The following SKP1 variants were observed in gnomAD, a reference collection of about 807,000 sequenced individuals.
The protein encoded by SKP1 is S-phase kinase-associated protein 1.
In SKP1, 1 loss-of-function variant was observed where a neutral mutation model predicts 21.5. The observed-to-expected ratio is 0.05, with a 90% CI of 0.02 to 0.22. The LOEUF is 0.22. Ranked by LOEUF, SKP1 falls within the 10% of genes least tolerant of loss-of-function variation. The pLI, the probability that SKP1 is intolerant of heterozygous loss-of-function variation, is 1.00. For synonymous variants in SKP1, 59 were observed against 59.3 expected, an observed-to-expected ratio of 0.99 and a Z score of 0.03; for missense variants, 70 against 192.0, an observed-to-expected ratio of 0.36 and a Z score of 3.76.
chr5:134,167,294 A>C, intron 2 of SKP1, 51 bp from the exon 3 acceptor site: 1 of 1,145,842 alleles, frequency 8.7e-7, no homozygotes, highest in Non-Finnish European at 1.3e-6. Flanking sequence ...TATAATACTT[A>C]TACCAACCAG....
In SKP1 at chr5:134,172,833, A is replaced by C. The variant is rs141330100; in HGVS notation, c.97+1093T>G. Among the ~76,000 whole-genome samples, 518 of 152,042 alleles carry C rather than the reference A, an allele frequency of 3.4e-3. 1 individual carries two copies. The highest frequency in any genetic ancestry group is 0.011 in the African/African-American group (475 of 41,458). On this transcript the variant is annotated intron_variant, in intron 2 of 5. Coordinates refer to ENST00000353411, the MANE Select transcript of SKP1 (RefSeq NM_170679.3). Reference sequence around the variant, plus strand: ...CGAGACCAGCCTGACAAACATGGTAAAACTCCATCTCTACTAAAAAATACA... The same window carrying C: ...CGAGACCAGCCTGACAAACATGGTACAACTCCATCTCTACTAAAAAATACA...
intron 2 of SKP1, chr5:134,170,852 C>T (rs1190782173): frequency 1.6e-5 from 6 of 375,718 alleles, no homozygotes; most frequent in Non-Finnish European, 3.1e-5. Context: ...GTGTGTCAGG[C>T]ACCAAGATAA....
chr5:134,168,180 G>A (rs115730948), intron 2 of SKP1, among the ~76,000 whole-genome samples: 2 of 152,284 alleles, frequency 1.3e-5, no homozygotes, highest in Middle Eastern at 3.4e-3. Flanking sequence ...AGTTGGGCTT[G>A]AATGACTGGG....
intron 5 of SKP1, 53 bp downstream of exon 5, chr5:134,158,402 G>A (rs368058390): frequency 2.5e-6 from 4 of 1,613,300 alleles, no homozygotes; most frequent in African/African-American, 1.3e-5. Flanking sequence ...TGTTATAGGT[G>A]TTACTCCCTT....
chr5:134,165,461 G>A (rs1449534783), intron 3 of SKP1, among the ~76,000 whole-genome samples: 1 of 151,626 alleles, frequency 6.6e-6, no homozygotes, highest in Non-Finnish European at 1.5e-5. Context: ...ATGGTAGCGG[G>A]TGTCTGTAAT....
Position 134,153,696 on chromosome 5 carries a change from T to C in SKP1, c.*4037A>G, listed in dbSNP as rs570936513. The C allele has an allele frequency of 9.8e-5, 15 of 152,338 alleles. No homozygotes were observed. The highest frequency in any genetic ancestry group is 2.1e-4 in the South Asian group (1 of 4,826). 9.4% of individuals were successfully genotyped at this position (152,338 alleles called of 1,614,324 possible). A position where few individuals can be genotyped will look rare whatever the true frequency, so the allele number is the denominator to read the frequency against. On this transcript the variant is annotated 3_prime_UTR_variant, in exon 6 of 6. Transcript: ENST00000353411. The stretch of plus-strand genomic sequence containing the variant: ...CACCTTATATTCCCAAACTGCCTTA[T>C]TGAGAGCCTAGGCAAATTAACTTAA...
Position 134,158,444 on chromosome 5 carries a change from G to T in SKP1, c.456+11C>A. The T allele has an allele frequency of 1.2e-6, 2 of 1,614,014 alleles. No individual in the cohort carries two copies. Among genetic ancestry groups the T allele is most frequent in the Non-Finnish European group, 1.7e-6 (2 of 1,179,962 alleles). On this transcript the variant is annotated intron_variant, in intron 5 of 5. Transcript: ENST00000353411. ...AGCATGTGATCAAAGACAAAACTGT[G>T]TGCTACCTACCTGGGCTTCCTCCTC... is the stretch of plus-strand genomic sequence containing the variant.
intron 3 of SKP1, among the ~76,000 whole-genome samples, chr5:134,163,169 C>T (rs143142124): frequency 0.019 from 2,378 of 126,774 alleles, 67 homozygotes; most frequent in African/African-American, 0.068. Context: ...GAGCCATGAT[C>T]GTGCCACTGC....
chr5:134,156,671 G>C lies in SKP1; in HGVS notation c.*1062C>G, dbSNP rs182079127. 28 of 152,352 alleles carry C rather than the reference G, an allele frequency of 1.8e-4. No homozygotes were observed. Among genetic ancestry groups the C allele is most frequent in the African/African-American group, 6.5e-4 (27 of 41,590 alleles). 9.4% of individuals were successfully genotyped at this position (152,352 alleles called of 1,614,324 possible). On this transcript the variant is annotated 3_prime_UTR_variant, in exon 6 of 6. Transcript: ENST00000353411. ...GAGGGAAGCTGGAAACAATGGCAGA[G>C]TAATTTTGTGTTAAGAATTAAAGTA...
intron 3 of SKP1, 70 bp from the exon 4 acceptor site, chr5:134,161,200 T>C: frequency 2.2e-6 from 3 of 1,340,140 alleles, no homozygotes; most frequent in Non-Finnish European, 3.1e-6. Flanking sequence ...CTGGGACAAC[T>C]TATCCCTATA....
chr5:134,166,770 AAGAC>A (rs1255426264), intron 3 of SKP1, among the ~76,000 whole-genome samples: 1 of 152,184 alleles, frequency 6.6e-6, no homozygotes, highest in Non-Finnish European at 1.5e-5. Context: ...AAATCTAAGA[AAGAC>A]AGTCACGATT....
rs151236336 is a variant in SKP1 at position 134,176,921 on chromosome 5, G to C, written c.-67C>G. On this transcript the variant is annotated 5_prime_UTR_variant, in exon 1 of 6. Coordinates refer to ENST00000353411, the MANE Select transcript of SKP1 (RefSeq NM_170679.3). Reference sequence around the variant, plus strand: ...GAGCCGGGAGGCGTTAGCGAAGGAAGAGAAAAACCGAAGACGAAGCCACTA... The same window carrying C: ...GAGCCGGGAGGCGTTAGCGAAGGAACAGAAAAACCGAAGACGAAGCCACTA... 92 of 152,868 alleles carry C rather than the reference G, an allele frequency of 6.0e-4. No individual in the cohort carries two copies. The highest frequency in any genetic ancestry group is 2.0e-3 in the African/African-American group (84 of 41,580). The allele number at this position is 152,868 out of a possible 1,614,324, so 9.5% of individuals were successfully genotyped here.
chr5:134,158,274 T>C (rs1761155303), intron 5 of SKP1, 181 bp downstream of exon 5: 1 of 1,483,716 alleles, frequency 6.7e-7, no homozygotes, highest in African/African-American at 1.4e-5. Context: ...AAATGCAGTA[T>C]CATCTAAGTG....
chr5:134,173,698 T>C, intron 2 of SKP1: 1 of 618,004 alleles, frequency 1.6e-6, no homozygotes, highest in Non-Finnish European at 3.0e-6. Flanking sequence ...ATGTTTATTT[T>C]ACCTTATGAT....
At chr5:134,173,826 T>C in intron 2 of SKP1, 100 bp downstream of exon 2, 1 of 772,364 alleles carries the variant, frequency 1.3e-6, no homozygotes, top group Non-Finnish European at 2.4e-6. Context: ...CTTCATACTC[T>C]CAAGCACCTT....
intron 1 of SKP1, 36 bp downstream of exon 1, chr5:134,176,819 C>T (rs28502074): frequency 0.017 from 2,541 of 152,670 alleles, 76 homozygotes; most frequent in African/African-American, 0.058. Flanking sequence ...AATCCGGTAG[C>T]CACGACCCTT....
Position 134,154,639 on chromosome 5 carries a change from C to A in SKP1, c.*3094G>T, listed in dbSNP as rs185735454. The A allele has an allele frequency of 1.2e-4, 19 of 152,122 alleles. No individual in the cohort carries two copies. The highest frequency in any genetic ancestry group is 4.1e-4 in the African/African-American group (17 of 41,484). The allele number at this position is 152,122 out of a possible 1,614,324, so 9.4% of individuals were successfully genotyped here. A position where few individuals can be genotyped will look rare whatever the true frequency, so the allele number is the denominator to read the frequency against. ...CATGGAGTCCTTGAAAGGACTTCAT[C>A]ATTAAAAGCAGCACACTGCAGAAAG... On this transcript the variant is annotated 3_prime_UTR_variant, in exon 6 of 6. Transcript: ENST00000353411.
intron 5 of SKP1, chr5:134,158,007 G>C (rs1276053414): frequency 6.7e-7 from 1 of 1,498,968 alleles, no homozygotes; most frequent in East Asian, 2.6e-5. Context: ...TACTAAAGTT[G>C]ACAGAGCAAA....
chr5:134,166,166 C>G (rs1180427464), intron 3 of SKP1, among the ~76,000 whole-genome samples: 1 of 146,632 alleles, frequency 6.8e-6, no homozygotes, highest in Non-Finnish European at 1.5e-5. Flanking sequence ...GCCTGGGCAA[C>G]AGGGCGAGGC....
Sources: gnomAD v4.1 joint callset for allele counts (sites outside exome capture counted in the v4.1 genomes callset) on GRCh38, gnomAD v4.1.1 for gene constraint, MANE v1.5 for transcripts, NCBI Gene and HGNC (gene_info 2026-07-23, HGNC 2026-07-21) for gene names.